The following DUOX1 variants were observed in gnomAD, a reference collection of about 807,000 sequenced individuals.
DUOX1 encodes NADPH thyroid oxidase 1.
DUOX1 carries 134 observed loss-of-function variants against 181.8 expected under a neutral mutation model. That is an observed-to-expected ratio of 0.74 (90% CI 0.64 to 0.85). The LOEUF is 0.85. Among genes scored for constraint, DUOX1 ranks in the 40% least tolerant of loss-of-function variants. The pLI, the probability that DUOX1 is intolerant of heterozygous loss-of-function variation, is 0.00. For missense variants in DUOX1, 1,814 were observed against 2,064.4 expected (o/e 0.88, Z 2.35); for synonymous variants, 798 against 832.5 (o/e 0.96, Z 0.71).
At chr15:45,160,364 G>A (rs977221097) in intron 28 of DUOX1, among the ~76,000 whole-genome samples, 6 of 152,224 alleles carry the variant, frequency 3.9e-5, no homozygotes, top group East Asian at 1.9e-4. Context: ...AGGACTGGCC[G>A]TGTTTGAGGA....
chr15:45,156,137 G>C (rs1245401750), intron 28 of DUOX1, among the ~76,000 whole-genome samples: 3 of 152,192 alleles, frequency 2.0e-5, no homozygotes, highest in Non-Finnish European at 2.9e-5. Context: ...TCGGCTCCCT[G>C]GCATGGGTTT....
In DUOX1 at chr15:45,161,778, G is replaced by A. The variant is rs765218624; in HGVS notation, c.3897G>A (p.Glu1299=). 1.3e-5 allele frequency: 21 copies of A among 1,613,974 alleles called. No homozygotes were observed. Among genetic ancestry groups the A allele is most frequent in the Non-Finnish European group, 1.7e-5 (20 of 1,180,004 alleles). The part of the protein sequence containing the change: ...HLRFQRPQGF[E]YKSGQWVRIA... ...GGTTCCAGCGGCCCCAGGGCTTTGA[G>A]TACAAGTCAGGGCAGTGGGTGCGGA... Residue 1299 remains glutamate, a synonymous_variant, in exon 30 of 34, where the codon GAG becomes GAA. Coordinates refer to ENST00000389037, the MANE Select transcript of DUOX1 (RefSeq NM_175940.3).
chr15:45,157,282 T>C (rs1896989127), intron 28 of DUOX1, among the ~76,000 whole-genome samples: 1 of 152,204 alleles, frequency 6.6e-6, no homozygotes, highest in South Asian at 2.1e-4. Flanking sequence ...TATGACTAAT[T>C]TACCCTCTCT....
chr15:45,132,827 C>T (rs975596657), intron 2 of DUOX1, among the ~76,000 whole-genome samples: 2 of 152,214 alleles, frequency 1.3e-5, no homozygotes, highest in African/African-American at 4.8e-5. Context: ...CCTGTACTGT[C>T]CTGCAAAGGC....
At chr15:45,148,237 G>A in intron 20 of DUOX1, 35 bp from the exon 21 acceptor site, 1 of 1,613,024 alleles carries the variant, frequency 6.2e-7, no homozygotes, top group Non-Finnish European at 8.5e-7. Flanking sequence ...GCAGGCCCCA[G>A]TCAGGGCCGG....
At position 45,142,789 on chromosome 15, in the gene DUOX1, G is replaced by GGAACGAAGGAAGGAAGGAAGGAAGGA. The variant is rs1480496555; in HGVS notation, c.1823-401_1823-400insGAACGAAGGAAGGAAGGAAGGAAGGA. ...GAAAGAAGGAAGGAAGGAAGGAAGG[G>GGAACGAAGGAAGGAAGGAAGGAAGGA]AGGGAGGAAGGGAGGGAGGAAGAGC... On this transcript the variant is annotated intron_variant, in intron 15 of 33. Coordinates refer to ENST00000389037, the MANE Select transcript of DUOX1 (RefSeq NM_175940.3). Among the ~76,000 whole-genome samples the GGAACGAAGGAAGGAAGGAAGGAAGGA allele has an allele frequency of 1.7e-3, 239 of 139,866 alleles. 2 individuals are homozygous for GGAACGAAGGAAGGAAGGAAGGAAGGA. Among genetic ancestry groups the GGAACGAAGGAAGGAAGGAAGGAAGGA allele is most frequent in the Non-Finnish European group, 2.8e-3 (186 of 65,532 alleles). The allele number at this position is 139,866 out of a possible 152,430, so 91.8% of individuals were successfully genotyped here.
Position 45,135,100 on chromosome 15 carries a change from G to C in DUOX1, c.308-4G>C, listed in dbSNP as rs542805766. Reference sequence around the variant, plus strand: ...CCTAGCACCCCCTCCTGCACTGCCCGCAGGCTATCACGTGCTTTCAGACCT... The same window carrying C: ...CCTAGCACCCCCTCCTGCACTGCCCCCAGGCTATCACGTGCTTTCAGACCT... On this transcript the variant is annotated splice_region_variant and splice_polypyrimidine_tract_variant and intron_variant, in intron 4 of 33. Coordinates refer to ENST00000389037, the MANE Select transcript of DUOX1 (RefSeq NM_175940.3). The C allele has an allele frequency of 6.2e-7, 1 of 1,613,292 alleles. No homozygotes were observed. The highest frequency in any genetic ancestry group is 1.7e-5 in the Admixed American group (1 of 59,948).
intron 4 of DUOX1, among the ~76,000 whole-genome samples, 197 bp from the exon 5 acceptor site, chr15:45,134,907 C>A (rs550619373): frequency 6.6e-6 from 1 of 152,278 alleles, no homozygotes; most frequent in Non-Finnish European, 1.5e-5. Flanking sequence ...ACGACAACAG[C>A]TTGGATCAGG....
intron 28 of DUOX1, among the ~76,000 whole-genome samples, chr15:45,158,681 G>C (rs1897021420): frequency 7.2e-6 from 1 of 138,098 alleles, no homozygotes; most frequent in Admixed American, 7.5e-5. Context: ...CAGCCTGGGT[G>C]ACAGCGAGAC....
chr15:45,163,551 C>T lies in DUOX1; in HGVS notation c.4268C>T (p.Thr1423Met), dbSNP rs140681354. Residue 1423 changes from threonine to methionine, a missense_variant, in exon 32 of 34, where the codon ACG becomes ATG. Transcript: ENST00000389037. ...CCCCAGATCTACTTCATCTGGGTGA[C>T]GCGGACCCAGCGTCAGTTTGAGTGG... ...FCKKIYFIWVTRTQRQFEWLA... is the reference protein window; with the variant it reads ...FCKKIYFIWVMRTQRQFEWLA... 6.4e-5 allele frequency: 104 copies of T among 1,613,998 alleles called. No individual in the cohort carries two copies. Among genetic ancestry groups the T allele is most frequent in the Non-Finnish European group, 8.1e-5 (95 of 1,180,038 alleles).
At chr15:45,137,400 AATGTATATGT>A (rs1441070475) in intron 9 of DUOX1, among the ~76,000 whole-genome samples, 2 of 150,666 alleles carry the variant, frequency 1.3e-5, no homozygotes, top group East Asian at 1.9e-4. Flanking sequence ...ATATTTAAAT[AATGTATATGT>A]ATGTATATGT....
chr15:45,142,789 G>GGAAGGAAGGAAGTAAGGAAGGA (rs1480496555), intron 15 of DUOX1, among the ~76,000 whole-genome samples: 1 of 139,762 alleles, frequency 7.2e-6, no homozygotes, highest in African/African-American at 2.7e-5. Flanking sequence ...GGAAGGAAGG[G>GGAAGGAAGGAAGTAAGGAAGGA]AGGGAGGAAG....
At position 45,162,293 on chromosome 15, in the gene DUOX1, G is replaced by A; in HGVS notation, c.4164G>A (p.Gly1388=). 1 of 1,613,882 alleles carries A rather than the reference G, an allele frequency of 6.2e-7. No individual in the cohort carries two copies. Residue 1388 remains glycine (G), a synonymous_variant, in exon 31 of 34, where the codon GGG becomes GGA. Coordinates refer to ENST00000389037, the MANE Select transcript of DUOX1 (RefSeq NM_175940.3). ...HKFEVSVLVG[G]GIGVTPFASI... Reference sequence around the variant, plus strand: ...TTGAGGTGTCAGTGTTAGTGGGAGGGGGCATTGGGGTCACCCCTTTTGCCT... The same window carrying A: ...TTGAGGTGTCAGTGTTAGTGGGAGGAGGCATTGGGGTCACCCCTTTTGCCT...
At chr15:45,143,466 T>C (rs1309496251) in intron 16 of DUOX1, among the ~76,000 whole-genome samples, 163 bp downstream of exon 16, 1 of 152,218 alleles carries the variant, frequency 6.6e-6, no homozygotes, top group Non-Finnish European at 1.5e-5. Flanking sequence ...TCCTGCAGCC[T>C]CCAGAGTTTC....
chr15:45,156,519 G>A (rs1398221773), intron 28 of DUOX1, among the ~76,000 whole-genome samples: 5 of 152,106 alleles, frequency 3.3e-5, no homozygotes, highest in African/African-American at 4.8e-5. Flanking sequence ...AGCAACCACC[G>A]CCTTCCGGGT....
At position 45,144,054 on chromosome 15, in the gene DUOX1, A is replaced by G; in HGVS notation, c.1955A>G (p.His652Arg). ...GGMEALEWQG[H>R]KEPCRPVLVY... is the part of the protein sequence containing the mutation. ...CCCCTAGCTTTGGAATGGCAAGGCC[A>G]CAAGGAGCCCTGCCGGCCCGTGCTT... Residue 652 changes from histidine to arginine, a missense_variant, in exon 17 of 34, where the codon CAC (histidine) becomes CGC (arginine). His to Arg is a conservative substitution (Grantham distance 29). Around this residue, in one of 5 missense-constraint regions of DUOX1, gnomAD observed 1,064 missense variants for 1,152.9 expected, o/e 0.92. Coordinates refer to ENST00000389037, the MANE Select transcript of DUOX1 (RefSeq NM_175940.3). 6.2e-7 allele frequency: 1 copy of G among 1,614,014 alleles called. No individual in the cohort carries two copies. The highest frequency in any genetic ancestry group is 8.5e-7 in the Non-Finnish European group (1 of 1,180,032).
chr15:45,152,237 T>A lies in DUOX1; in HGVS notation c.3194-49T>A, dbSNP rs937968915. 13 of 1,556,416 alleles carry A rather than the reference T, an allele frequency of 8.4e-6. No homozygotes were observed. The African/African-American group carries it at 1.5e-4, about 18-fold the overall frequency. On this transcript the variant is annotated intron_variant, in intron 24 of 33. Coordinates refer to ENST00000389037, the MANE Select transcript of DUOX1 (RefSeq NM_175940.3). ...AGGGCCTACCGCCCCTAACCAGCTC[T>A]CTGTCCTCTGCACTGACCCTCGCTT...
chr15:45,130,572 C>A lies in DUOX1; in HGVS notation c.-50+474C>A, dbSNP rs1896085471. On this transcript the variant is annotated intron_variant, in intron 1 of 33. Transcript: ENST00000389037. ...GGCCTGTGTTCTCTCTCTGGTTCTG[C>A]CGCTGGCTCTGCCTGGGGCTTCACT... Among the ~76,000 whole-genome samples the A allele has an allele frequency of 2.0e-5, 3 of 152,218 alleles. No homozygotes were observed. In the South Asian group the frequency reaches 6.2e-4, roughly 32 times the overall value.
At chr15:45,138,824 A>C in intron 10 of DUOX1, 1 of 494,756 alleles carries the variant, frequency 2.0e-6, no homozygotes, top group Non-Finnish European at 3.6e-6. Flanking sequence ...TCCCAAGGTC[A>C]AAGTAAAATT....
Sources: allele counts gnomAD v4.1 joint callset (sites outside exome capture counted in the v4.1 genomes callset), GRCh38; gene constraint gnomAD v4.1.1; regional missense constraint gnomAD v4.1.1; transcripts MANE v1.5; gene names NCBI Gene and HGNC (gene_info 2026-07-23, HGNC 2026-07-21).